The following SLC25A1 variants were observed in gnomAD, a reference collection of about 807,000 sequenced individuals.
The protein encoded by SLC25A1 is tricarboxylate transport protein, mitochondrial.
In SLC25A1, 26 loss-of-function variants were observed where a neutral mutation model predicts 38.1. The ratio of observed to expected loss-of-function variants is 0.68; its 90% CI spans 0.50 to 0.95. The LOEUF (loss-of-function observed/expected upper bound fraction) is 0.95. Among genes scored for constraint, SLC25A1 ranks in the 40% least tolerant of loss-of-function variants. The pLI, the probability that SLC25A1 is intolerant of heterozygous loss-of-function variation, is 0.00. For missense variants in SLC25A1, 378 were observed against 426.6 expected (o/e 0.89, Z 1.00); for synonymous variants, 211 against 183.2 (o/e 1.15, Z -1.23).
Position 19,177,877 on chromosome 22 carries a change from A to C in SLC25A1, c.303-12T>G. The C allele has an allele frequency of 6.3e-7, 1 of 1,596,274 alleles. No individual in the cohort carries two copies. The highest frequency in any genetic ancestry group is 1.3e-5 in the African/African-American group (1 of 74,810). ...CGAACATTCCAAACCTGGAGGCGGGAGGCGGGTGAGAGGGGCTGCCGCGGC... is the reference window on the plus strand; with the variant it reads ...CGAACATTCCAAACCTGGAGGCGGGCGGCGGGTGAGAGGGGCTGCCGCGGC... On this transcript the variant is annotated splice_polypyrimidine_tract_variant and intron_variant, in intron 3 of 8. Coordinates refer to ENST00000215882, the MANE Select transcript of SLC25A1 (RefSeq NM_005984.5).
chr22:19,177,554 G>A (rs1336048744), intron 4 of SLC25A1, among the ~76,000 whole-genome samples, 173 bp downstream of exon 4: 2 of 152,240 alleles, frequency 1.3e-5, no homozygotes, highest in Non-Finnish European at 2.9e-5. Context: ...CTCCACGGGT[G>A]GCCCTTCGTG....
In SLC25A1 at chr22:19,176,632, G is replaced by A. The variant is rs782398669; in HGVS notation, c.693C>T (p.Gly231=). 23 of 1,613,824 alleles carry A rather than the reference G, an allele frequency of 1.4e-5. No homozygotes were observed. In the East Asian group the frequency reaches 3.8e-4, roughly 27 times the overall value. ...LITGVFGAIA[G]AASVFGNTPL... The stretch of plus-strand genomic sequence containing the variant: ...GAGTGTTTCCAAAGACACTGGCTGC[G>A]CCTGCAATAGCTCCGAAGACCCCAG... Residue 231 remains glycine, a synonymous_variant, in exon 7 of 9, where the codon GGC becomes GGT. Coordinates refer to ENST00000215882, the MANE Select transcript of SLC25A1 (RefSeq NM_005984.5).
At chr22:19,177,001 G>A (rs1555922566) in intron 5 of SLC25A1, 51 bp from the exon 6 acceptor site, 1 of 1,603,112 alleles carries the variant, frequency 6.2e-7, no homozygotes, top group Admixed American at 1.7e-5. Context: ...GGCCCCGGTT[G>A]GGAATTGGTG....
Position 19,178,543 on chromosome 22 carries a change from G to T in SLC25A1, c.94+37C>A. 1 of 1,262,224 alleles carries T rather than the reference G, an allele frequency of 7.9e-7. No homozygotes were observed. The highest frequency in any genetic ancestry group is 9.9e-7 in the Non-Finnish European group (1 of 1,005,282). The allele number at this position is 1,262,224 out of a possible 1,614,324, so 78.2% of individuals were successfully genotyped here. On this transcript the variant is annotated intron_variant, in intron 1 of 8. Transcript: ENST00000215882. The surrounding 1 kb of genome is among the most constrained non-coding windows in gnomAD (Gnocchi z 4.9). ...CAGCGTCCCGGGCCCACCCAGAAGC[G>T]CGGCGGGAGAGGGGTCCGCGTCCCG... is the stretch of plus-strand genomic sequence containing the variant.
In SLC25A1 at chr22:19,178,487, C is replaced by G. The variant is rs2084009736; in HGVS notation, c.94+93G>C. On this transcript the variant is annotated intron_variant, in intron 1 of 8. Coordinates refer to ENST00000215882, the MANE Select transcript of SLC25A1 (RefSeq NM_005984.5). The surrounding 1 kb of genome is among the most constrained non-coding windows in gnomAD (Gnocchi z 4.9). ...ACCGCGCCTCCACGACTCCCCAGCCCACGGCCCAACCCGGAAGTGGGGCGG... is the reference window on the plus strand; with the variant it reads ...ACCGCGCCTCCACGACTCCCCAGCCGACGGCCCAACCCGGAAGTGGGGCGG... 2.2e-6 allele frequency: 3 copies of G among 1,338,590 alleles called. No homozygotes were observed. The African/African-American group carries it at 4.6e-5, about 21-fold the overall frequency. The allele number at this position is 1,338,590 out of a possible 1,614,324, so 82.9% of individuals were successfully genotyped here. A position where few individuals can be genotyped will look rare whatever the true frequency, so the allele number is the denominator to read the frequency against.
chr22:19,178,276 C>T lies in SLC25A1; in HGVS notation c.95-36G>A, dbSNP rs1555923358. 2 of 1,540,734 alleles carry T rather than the reference C, an allele frequency of 1.3e-6. No homozygotes were observed. Among genetic ancestry groups the T allele is most frequent in the African/African-American group, 1.4e-5 (1 of 71,500 alleles). ...CGGGAACCCGCTCCTGAGACTCCCG[C>T]CCGGCCGCTGGCGCTCGGGCCCCTC... On this transcript the variant is annotated intron_variant, in intron 1 of 8. Transcript: ENST00000215882. This position sits in a 1 kb window ranked among gnomAD's most constrained non-coding sequence, Gnocchi z 4.9.
At position 19,178,663 on chromosome 22, in the gene SLC25A1, G is replaced by A; in HGVS notation, c.11C>T (p.Pro4Leu). The A allele has an allele frequency of 3.4e-6, 4 of 1,159,852 alleles. No homozygotes were observed. Among genetic ancestry groups the A allele is most frequent in the Non-Finnish European group, 4.2e-6 (4 of 941,884 alleles). 71.8% of individuals were successfully genotyped at this position (1,159,852 alleles called of 1,614,324 possible). MPA[P>L]RAPRALAAAA... ...GGCCGCCAGAGCGCGCGGGGCGCGG[G>A]GCGCGGGCATGGCGGGCGGGAGGCG... Residue 4 changes from proline to leucine, a missense_variant, in exon 1 of 9, where the codon CCC becomes CTC. Physicochemically the swap from Pro to Leu is moderately conservative, Grantham distance 98 (BLOSUM62 -3). Coordinates refer to ENST00000215882, the MANE Select transcript of SLC25A1 (RefSeq NM_005984.5). The surrounding 1 kb of genome is among the most constrained non-coding windows in gnomAD (Gnocchi z 4.9).
At position 19,178,505 on chromosome 22, in the gene SLC25A1, TG is replaced by T; in HGVS notation, c.94+74del. The stretch of plus-strand genomic sequence containing the variant: ...CCCAGCCCACGGCCCAACCCGGAAG[TG>T]GGGCGGGGCCTCAGCGTCCCGGGCC... On this transcript the variant is annotated intron_variant, in intron 1 of 8. Transcript: ENST00000215882. The surrounding 1 kb of genome is among the most constrained non-coding windows in gnomAD (Gnocchi z 4.9). 1 of 1,315,330 alleles carries T rather than the reference TG, an allele frequency of 7.6e-7. No homozygotes were observed. The allele number at this position is 1,315,330 out of a possible 1,614,324, so 81.5% of individuals were successfully genotyped here.
Position 19,177,734 on chromosome 22 carries a change from G to A in SLC25A1, c.434C>T (p.Thr145Ile). 1 of 1,607,756 alleles carries A rather than the reference G, an allele frequency of 6.2e-7. No homozygotes were observed. The highest frequency in any genetic ancestry group is 8.5e-7 in the Non-Finnish European group (1 of 1,179,486). The change falls in exon 4 of 9, where the codon ACC (threonine) becomes ATC (isoleucine). Residue 145 changes from threonine to isoleucine, a missense_variant. Coordinates refer to ENST00000215882, the MANE Select transcript of SLC25A1 (RefSeq NM_005984.5). ...EAVVVVCPME[T>I]IKVKFIHDQT... ...CGCCAGGACCTTCCCCACCTTGATGGTCTCCATGGGGCACACGACCACCAC... is the reference window on the plus strand; with the variant it reads ...CGCCAGGACCTTCCCCACCTTGATGATCTCCATGGGGCACACGACCACCAC...
chr22:19,178,346 C>T lies in SLC25A1; in HGVS notation c.95-106G>A. ...CGGCGCGGCCGCCGCGCCAGTGCCG[C>T]GGGGAACATAGGCTGGGGCCCCACG... On this transcript the variant is annotated intron_variant, in intron 1 of 8. Transcript: ENST00000215882. The surrounding 1 kb of genome is among the most constrained non-coding windows in gnomAD (Gnocchi z 4.9). 1 of 1,503,916 alleles carries T rather than the reference C, an allele frequency of 6.6e-7. No homozygotes were observed. Among genetic ancestry groups the T allele is most frequent in the Non-Finnish European group, 8.9e-7 (1 of 1,128,564 alleles). The allele number at this position is 1,503,916 out of a possible 1,614,324, so 93.2% of individuals were successfully genotyped here. A position where few individuals can be genotyped will look rare whatever the true frequency, so the allele number is the denominator to read the frequency against.
In SLC25A1 at chr22:19,178,355, T is replaced by C. The variant is rs574565742; in HGVS notation, c.95-115A>G. 2.0e-5 allele frequency: 30 copies of C among 1,485,462 alleles called. No individual in the cohort carries two copies. Among genetic ancestry groups the C allele is most frequent in the Non-Finnish European group, 2.5e-5 (28 of 1,120,060 alleles). The allele number at this position is 1,485,462 out of a possible 1,614,324, so 92.0% of individuals were successfully genotyped here. On this transcript the variant is annotated intron_variant, in intron 1 of 8. Transcript: ENST00000215882. This position sits in a 1 kb window ranked among gnomAD's most constrained non-coding sequence, Gnocchi z 4.9. ...CGCCGCGCCAGTGCCGCGGGGAACA[T>C]AGGCTGGGGCCCCACGCCCCCATGC...
Position 19,176,936 on chromosome 22 carries a change from A to C in SLC25A1, c.541T>G (p.Tyr181Asp). Residue 181 changes from tyrosine (Y) to aspartate (D), a missense_variant, in exon 6 of 9, where the codon TAC (tyrosine) becomes GAC (aspartate). Coordinates refer to ENST00000215882, the MANE Select transcript of SLC25A1 (RefSeq NM_005984.5). ...AGGACAGTGGCTGTGAGGCCCTGGTACGTCCCCTTCAGCCCTGCGGGAAGG... is the reference window on the plus strand; with the variant it reads ...AGGACAGTGGCTGTGAGGCCCTGGTCCGTCCCCTTCAGCCCTGCGGGAAGG... ...IVREQGLKGT[Y>D]QGLTATVLKQ... 1 of 1,613,532 alleles carries C rather than the reference A, an allele frequency of 6.2e-7. No individual in the cohort carries two copies.
Position 19,178,025 on chromosome 22 carries a change from C to T in SLC25A1, c.219G>A (p.Gln73=), listed in dbSNP as rs1555923183. ...CCAGGACGCCATGGCTGCGAACCGT[C>T]TGCCGCACGCAGTCCCCTGGGGGAG... ...RYRGIGDCVR[Q]TVRSHGVLGL... Residue 73 remains glutamine, a synonymous_variant, in exon 3 of 9, where the codon CAG becomes CAA. Transcript: ENST00000215882. The surrounding 1 kb of genome is among the most constrained non-coding windows in gnomAD (Gnocchi z 4.9). 7 of 1,595,294 alleles carry T rather than the reference C, an allele frequency of 4.4e-6. No individual in the cohort carries two copies. Among genetic ancestry groups the T allele is most frequent in the Non-Finnish European group, 6.0e-6 (7 of 1,173,348 alleles).
Position 19,176,050 on chromosome 22 carries a change from TACTGCACTGGAATC to T in SLC25A1, c.*66_*79del. ...GACGTGGGAAGGGGCCTTTTGGCAC[TACTGCACTGGAATC>T]GTGAGACAAAGGTAGCAGGACACTC... is the stretch of plus-strand genomic sequence containing the variant. On this transcript the variant is annotated 3_prime_UTR_variant, in exon 9 of 9. Transcript: ENST00000215882. 1 of 1,120,712 alleles carries T rather than the reference TACTGCACTGGAATC, an allele frequency of 8.9e-7. No individual in the cohort carries two copies. The highest frequency in any genetic ancestry group is 1.3e-6 in the Non-Finnish European group (1 of 769,126). 69.4% of individuals were successfully genotyped at this position (1,120,712 alleles called of 1,614,324 possible).
intron 4 of SLC25A1, 122 bp downstream of exon 4, chr22:19,177,605 C>T (rs2146145259): frequency 2.2e-6 from 3 of 1,391,788 alleles, no homozygotes; most frequent in Non-Finnish European, 2.9e-6. Flanking sequence ...ACCCCGCCGG[C>T]CTTCCCTGGC....
rs1555923233 is a variant in SLC25A1 at position 19,178,090 on chromosome 22, T to A, written c.202+43A>T. 1.3e-6 allele frequency: 2 copies of A among 1,536,378 alleles called. No homozygotes were observed. The highest frequency in any genetic ancestry group is 2.1e-5 in the Admixed American group (1 of 48,698). ...CCCACGGCCCTCGGTGCCGCCGCCC[T>A]GGGTACCCGCCCCCCGCGGCGCCGC... On this transcript the variant is annotated intron_variant, in intron 2 of 8. Coordinates refer to ENST00000215882, the MANE Select transcript of SLC25A1 (RefSeq NM_005984.5). The surrounding 1 kb of genome is among the most constrained non-coding windows in gnomAD (Gnocchi z 4.9).
chr22:19,176,902 C>T lies in SLC25A1; in HGVS notation c.575G>A (p.Gly192Asp), dbSNP rs781853107. The change falls in exon 6 of 9, where the codon GGC becomes GAC. Residue 192 changes from glycine to aspartate, a missense_variant. Transcript: ENST00000215882. ...GAAGAAGCGGATGGCCTGGTTCGAG[C>T]CCTGCTTCAGGACAGTGGCTGTGAG... ...QGLTATVLKQ[G>D]SNQAIRFFVM... 1 of 1,613,812 alleles carries T rather than the reference C, an allele frequency of 6.2e-7. No individual in the cohort carries two copies. The highest frequency in any genetic ancestry group is 8.5e-7 in the Non-Finnish European group (1 of 1,180,020).
chr22:19,176,372 C>T lies in SLC25A1; in HGVS notation c.821+49G>A, dbSNP rs374258469. 3.8e-5 allele frequency: 60 copies of T among 1,598,338 alleles called. No homozygotes were observed. In the Admixed American group the frequency reaches 5.3e-4, roughly 14 times the overall value. On this transcript the variant is annotated intron_variant, in intron 8 of 8. Coordinates refer to ENST00000215882, the MANE Select transcript of SLC25A1 (RefSeq NM_005984.5). The stretch of plus-strand genomic sequence containing the variant: ...GACAGAGTGGGCAGGCCAGGTAGGC[C>T]GGGAAAGGTTTGAGGTGGGGACAAT...
At chr22:19,177,668 G>T (rs971292803) in intron 4 of SLC25A1, 59 bp downstream of exon 4, 44 of 1,593,988 alleles carry the variant, frequency 2.8e-5, no homozygotes, top group Non-Finnish European at 6.8e-6. Flanking sequence ...CCGGGCCAGC[G>T]GGGCCGCCCG....
Sources: gnomAD v4.1 joint callset for allele counts (sites outside exome capture counted in the v4.1 genomes callset) on GRCh38, gnomAD v4.1.1 for gene constraint, Gnocchi (gnomAD v3.1) non-coding constraint, MANE v1.5 for transcripts, NCBI Gene and HGNC (gene_info 2026-07-23, HGNC 2026-07-21) for gene names.